Variants in WWC2 observed in about 807,000 individuals in gnomAD.
The protein encoded by WWC2 is WW and C2 domain containing 2.
A neutral mutation model predicts 138.5 loss-of-function variants in WWC2; 101 were observed. The ratio of observed to expected loss-of-function variants is 0.73; its 90% CI spans 0.62 to 0.86. WWC2 has a LOEUF of 0.86. Among genes scored for constraint, WWC2 ranks in the 40% least tolerant of loss-of-function variants. WWC2 has a pLI of 0.00. For missense variants in WWC2, 1,420 were observed against 1,419.4 expected (o/e 1.00, Z -0.01); for synonymous variants, 558 against 538.4 (o/e 1.04, Z -0.50).
intron 1 of WWC2, among the ~76,000 whole-genome samples, chr4:183,174,947 C>T (rs1243790678): frequency 3.3e-5 from 5 of 151,840 alleles, no homozygotes; most frequent in Admixed American, 6.6e-5. Context: ...TATTATGACC[C>T]GTCACTCCTA....
chr4:183,140,216 C>T (rs1733260054), intron 1 of WWC2, among the ~76,000 whole-genome samples: 1 of 152,190 alleles, frequency 6.6e-6, no homozygotes, highest in African/African-American at 2.4e-5. Flanking sequence ...GGATTGAGAA[C>T]TGTTCAGGAA....
chr4:183,227,719 T>C (rs1457092218), intron 4 of WWC2, among the ~76,000 whole-genome samples: 1 of 152,034 alleles, frequency 6.6e-6, no homozygotes, highest in African/African-American at 2.4e-5. Flanking sequence ...GCTTATTTTT[T>C]CATACCAATC....
At chr4:183,271,051 T>C (rs1737679802) in intron 15 of WWC2, 29 bp from the exon 16 acceptor site, 1 of 1,461,786 alleles carries the variant, frequency 6.8e-7, no homozygotes, top group Non-Finnish European at 9.1e-7. Flanking sequence ...TCCTTATTTT[T>C]TTTTCTTTGT....
chr4:183,200,463 T>C (rs767727484), intron 2 of WWC2, among the ~76,000 whole-genome samples: 1 of 152,208 alleles, frequency 6.6e-6, no homozygotes, highest in Non-Finnish European at 1.5e-5. Context: ...TTGTCACAAA[T>C]TGTTCCAAAA....
Position 183,259,622 on chromosome 4 carries a change from A to ATTTT in WWC2, c.1197-12_1197-9dup. 6.7e-7 allele frequency: 1 copy of ATTTT among 1,483,564 alleles called. No homozygotes were observed. Among genetic ancestry groups the ATTTT allele is most frequent in the Non-Finnish European group, 9.1e-7 (1 of 1,104,928 alleles). 91.9% of individuals were successfully genotyped at this position (1,483,564 alleles called of 1,614,324 possible). A position where few individuals can be genotyped will look rare whatever the true frequency, so the allele number is the denominator to read the frequency against. Reference sequence around the variant, plus strand: ...ATTTTGTTATAATCATTTGAAAATAATTTTTTTTCTTCCTAGATTGAGATT... The same window carrying ATTTT: ...ATTTTGTTATAATCATTTGAAAATAATTTTTTTTTTTTCTTCCTAGATTGAGATT... On this transcript the variant is annotated splice_polypyrimidine_tract_variant and intron_variant, in intron 9 of 22. Transcript: ENST00000403733.
At chr4:183,294,413 A>G (rs1254921604) in intron 21 of WWC2, among the ~76,000 whole-genome samples, 1 of 152,242 alleles carries the variant, frequency 6.6e-6, no homozygotes, top group Non-Finnish European at 1.5e-5. Flanking sequence ...AATAGTGGGA[A>G]TTTGTGGAGA....
chr4:183,319,781 C>G lies in WWC2; in HGVS notation c.*4052C>G. 3.1e-6 allele frequency: 5 copies of G among 1,614,022 alleles called. No homozygotes were observed. The highest frequency in any genetic ancestry group is 1.7e-5 in the Admixed American group (1 of 60,010). ...CTGGGACGTTCTCATCCCAGAACTC[C>G]TGAACCGTCTTGTGGGCAACCCAAG... On this transcript the variant is annotated 3_prime_UTR_variant, in exon 23 of 23. Transcript: ENST00000403733.
At chr4:183,179,325 T>C (rs139753787) in intron 1 of WWC2, among the ~76,000 whole-genome samples, 207 of 152,306 alleles carry the variant, frequency 1.4e-3, no homozygotes, top group Non-Finnish European at 1.5e-3. Context: ...AAGGAGGGTA[T>C]ATCCATGTAT....
At chr4:183,125,848 T>G (rs1213658061) in intron 1 of WWC2, among the ~76,000 whole-genome samples, 1 of 152,210 alleles carries the variant, frequency 6.6e-6, no homozygotes, top group African/African-American at 2.4e-5. Flanking sequence ...TGCATGGCAC[T>G]GAAGGCCTTT....
chr4:183,126,046 G>A (rs1335395336), intron 1 of WWC2, among the ~76,000 whole-genome samples: 2 of 152,214 alleles, frequency 1.3e-5, no homozygotes, highest in African/African-American at 2.4e-5. Flanking sequence ...TAGAACAAGT[G>A]CCCCTTAAAT....
chr4:183,222,995 G>T (rs145223016), intron 4 of WWC2, among the ~76,000 whole-genome samples: 7 of 152,030 alleles, frequency 4.6e-5, no homozygotes, highest in Admixed American at 1.3e-4. Context: ...ATATAGTTAC[G>T]TGCCAAATAA....
chr4:183,172,556 G>GTTTTTTTTTTTTTT (rs61599876), intron 1 of WWC2, among the ~76,000 whole-genome samples: 42 of 112,934 alleles, frequency 3.7e-4, no homozygotes, highest in Admixed American at 7.2e-4. Flanking sequence ...TATGTTTCTT[G>GTTTTTTTTTTTTTT]TTTTTTTTTT....
chr4:183,177,860 T>G (rs918885113), intron 1 of WWC2, among the ~76,000 whole-genome samples: 2 of 152,206 alleles, frequency 1.3e-5, no homozygotes, highest in Non-Finnish European at 1.5e-5. Context: ...AATTGTCTAG[T>G]AATCTGGCCA....
intron 1 of WWC2, 42 bp downstream of exon 1, chr4:183,099,664 C>T (rs1444530422): frequency 1.5e-5 from 18 of 1,231,842 alleles, no homozygotes; most frequent in African/African-American, 1.6e-5. Flanking sequence ...TCGGACACGG[C>T]GGCTGTTGTC....
intron 5 of WWC2, among the ~76,000 whole-genome samples, chr4:183,244,902 G>A (rs190223341): frequency 1.4e-4 from 22 of 152,192 alleles, no homozygotes; most frequent in Non-Finnish European, 2.4e-4. Flanking sequence ...AAAGACATGC[G>A]TTTGTTTGAG....
intron 21 of WWC2, among the ~76,000 whole-genome samples, chr4:183,307,935 C>T (rs181469149): frequency 6.6e-6 from 1 of 152,138 alleles, no homozygotes; most frequent in East Asian, 1.9e-4. Context: ...TTTGTTTGCA[C>T]ATAAGATGGT....
chr4:183,259,048 C>G (rs1388101135), intron 9 of WWC2, among the ~76,000 whole-genome samples: 1 of 152,100 alleles, frequency 6.6e-6, no homozygotes, highest in East Asian at 1.9e-4. Flanking sequence ...TGTGCTGTAG[C>G]TCGGAAGGGG....
chr4:183,248,690 A>G (rs752550316), intron 6 of WWC2, 24 bp from the exon 7 acceptor site: 8 of 1,557,294 alleles, frequency 5.1e-6, no homozygotes, highest in Non-Finnish European at 1.7e-6. Context: ...AAGCTTTATG[A>G]AACACTTTGT....
chr4:183,280,857 G>A lies in WWC2; in HGVS notation c.2644G>A (p.Glu882Lys). 5 of 1,588,196 alleles carry A rather than the reference G, an allele frequency of 3.1e-6. No homozygotes were observed. The highest frequency in any genetic ancestry group is 4.3e-6 in the Non-Finnish European group (5 of 1,166,662). Residue 882 changes from glutamate to lysine, a missense_variant, in exon 17 of 23, where the codon GAA becomes AAA. Coordinates refer to ENST00000403733, the MANE Select transcript of WWC2 (RefSeq NM_024949.6). ...AGAATTAGCACAAGAAGAAGAAGAA[G>A]AATCAGGACAAGAAGAGCCAAGGGG... ...EQELAQEEEE[E>K]SGQEEPRGPD...
Sources: gnomAD v4.1 joint callset for allele counts (sites outside exome capture counted in the v4.1 genomes callset) on GRCh38, gnomAD v4.1.1 for gene constraint, MANE v1.5 for transcripts, NCBI Gene and HGNC (gene_info 2026-07-23, HGNC 2026-07-21) for gene names.